The following CDH23 variants were observed in gnomAD, a reference collection of about 807,000 sequenced individuals.
CDH23 encodes cadherin related 23, also known as cadherin-23.
CDH23 carries 189 observed loss-of-function variants against 317.1 expected under a neutral mutation model. That is an observed-to-expected ratio of 0.60 (90% CI 0.53 to 0.67). The LOEUF (loss-of-function observed/expected upper bound fraction) is 0.67, where lower values mean the gene tolerates loss of function less well. Among genes scored for constraint, CDH23 ranks in the 30% least tolerant of loss-of-function variants. CDH23 has a pLI of 0.00. For missense variants in CDH23, 4,401 were observed against 4,592.4 expected, an observed-to-expected ratio of 0.96 and a Z score of 1.20; for synonymous variants, 1,839 against 1,876.8, an observed-to-expected ratio of 0.98 and a Z score of 0.52.
At chr10:71,661,171 C>T (rs903453005) in intron 14 of CDH23, among the ~76,000 whole-genome samples, 1 of 152,152 alleles carries the variant, frequency 6.6e-6, no homozygotes, top group African/African-American at 2.4e-5. Flanking sequence ...TGAACTGCTC[C>T]CCGAGAGCCT....
At chr10:71,461,902 T>C (rs1417113466) in intron 3 of CDH23, among the ~76,000 whole-genome samples, 1 of 152,230 alleles carries the variant, frequency 6.6e-6, no homozygotes, top group East Asian at 1.9e-4. Context: ...TCTTCAGTAA[T>C]GTTGCTGTGG....
chr10:71,495,387 G>A (rs964373616), intron 3 of CDH23, among the ~76,000 whole-genome samples: 6 of 152,116 alleles, frequency 3.9e-5, no homozygotes, highest in African/African-American at 1.4e-4. Context: ...TTTTATGATT[G>A]CGCCTTTCTT....
Position 71,802,983 on chromosome 10 carries a change from C to T in CDH23, c.7568C>T (p.Pro2523Leu), listed in dbSNP as rs369761606. 6.1e-5 allele frequency: 98 copies of T among 1,613,992 alleles called. No homozygotes were observed. Among genetic ancestry groups the T allele is most frequent in the South Asian group, 5.1e-4 (46 of 91,086 alleles). ...QFSTSVYENE[P>L]AGTSVITMMA... ...AGCACAAGCGTGTATGAGAATGAGCCGGCGGGCACCTCGGTCATCACCATG... is the reference window on the plus strand; with the variant it reads ...AGCACAAGCGTGTATGAGAATGAGCTGGCGGGCACCTCGGTCATCACCATG... The change falls in exon 54 of 70, where the codon CCG (proline) becomes CTG (leucine). Residue 2523 changes from proline to leucine, a missense_variant. Physicochemically the swap from Pro to Leu is moderately conservative, Grantham distance 98. Around this residue, in one of 3 missense-constraint regions of CDH23, gnomAD observed 189 missense variants for 250.9 expected, o/e 0.75. Coordinates refer to ENST00000224721, the MANE Select transcript of CDH23 (RefSeq NM_022124.6).
intron 69 of CDH23, 131 bp from the exon 70 acceptor site, chr10:71,814,821 A>C: frequency 9.2e-7 from 1 of 1,084,748 alleles, no homozygotes; most frequent in Non-Finnish European, 1.3e-6. Flanking sequence ...CAGTTTGAGA[A>C]ACAGAGTCTG....
Position 71,595,703 on chromosome 10 carries a change from C to T in CDH23, c.832+17711C>T, listed in dbSNP as rs1041490983. Among the ~76,000 whole-genome samples, 11 of 152,210 alleles carry T rather than the reference C, an allele frequency of 7.2e-5. 1 individual carries two copies. The highest frequency in any genetic ancestry group is 3.3e-4 in the Admixed American group (5 of 15,280). ...CCTGCAGGGGCCTTCCCCTGTCATCCGCCGAGACAACGCTCTGCGGGAGTC... is the reference window on the plus strand; with the variant it reads ...CCTGCAGGGGCCTTCCCCTGTCATCTGCCGAGACAACGCTCTGCGGGAGTC... On this transcript the variant is annotated intron_variant, in intron 9 of 69. Coordinates refer to ENST00000224721, the MANE Select transcript of CDH23 (RefSeq NM_022124.6).
rs954259410 is a variant in CDH23, at chr10:71,503,144, C to T, written c.146-6938C>T. On this transcript the variant is annotated intron_variant, in intron 3 of 69. Coordinates refer to ENST00000224721, the MANE Select transcript of CDH23 (RefSeq NM_022124.6). ...GGACTGCTGCTGAGGGCCGAGGCCA[C>T]GGTGGAGGATGTGCCACCAGCTTTG... 9.8e-5 allele frequency among the ~76,000 whole-genome samples: 15 copies of T among 152,368 alleles called. No homozygotes were observed. The East Asian group carries it at 1.5e-3, about 16-fold the overall frequency.
At chr10:71,806,473 C>A (rs1311001447) in intron 57 of CDH23, among the ~76,000 whole-genome samples, 192 bp downstream of exon 57, 1 of 150,712 alleles carries the variant, frequency 6.6e-6, no homozygotes, top group African/African-American at 2.4e-5. Context: ...ATATTGAGCG[C>A]TGAAAAAAAA....
At position 71,624,161 on chromosome 10, in the gene CDH23, G is replaced by T. The variant is rs566514773; in HGVS notation, c.1134+6768G>T. Among the ~76,000 whole-genome samples the T allele has an allele frequency of 7.9e-5, 12 of 152,256 alleles. No homozygotes were observed. The South Asian group carries it at 2.5e-3, about 32-fold the overall frequency. On this transcript the variant is annotated intron_variant, in intron 11 of 69. Coordinates refer to ENST00000224721, the MANE Select transcript of CDH23 (RefSeq NM_022124.6). ...GCAGCCAGCTCATCCTCCTTTCCCT[G>T]AGCCGGCTCCACGGACTCGGTTCCG... is the stretch of plus-strand genomic sequence containing the variant.
intron 47 of CDH23, among the ~76,000 whole-genome samples, 183 bp from the exon 48 acceptor site, chr10:71,792,998 GA>G (rs1471157661): frequency 6.6e-6 from 1 of 151,288 alleles, no homozygotes; most frequent in Admixed American, 6.6e-5. Context: ...TTTAATCAAA[GA>G]ATATAAAATA....
chr10:71,479,543 C>T (rs1453109361), intron 3 of CDH23, among the ~76,000 whole-genome samples: 1 of 152,144 alleles, frequency 6.6e-6, no homozygotes, highest in African/African-American at 2.4e-5. Flanking sequence ...GCTTCCTGCT[C>T]CTGCTAATGC....
chr10:71,738,301 A>G (rs1470513268), intron 34 of CDH23, among the ~76,000 whole-genome samples, 197 bp from the exon 35 acceptor site: 1 of 151,932 alleles, frequency 6.6e-6, no homozygotes, highest in Admixed American at 6.5e-5. Context: ...GCCACCCCAC[A>G]CCAATCAGAC....
chr10:71,489,062 G>T (rs937169199), intron 3 of CDH23, among the ~76,000 whole-genome samples: 1 of 151,986 alleles, frequency 6.6e-6, no homozygotes, highest in African/African-American at 2.4e-5. Context: ...GACCTATCTG[G>T]GTTTGAATTT....
intron 9 of CDH23, among the ~76,000 whole-genome samples, chr10:71,610,797 C>T (rs914579687): frequency 6.7e-6 from 1 of 150,190 alleles, no homozygotes; most frequent in South Asian, 2.1e-4. Context: ...ATTCCTGGAG[C>T]TCCTAGAGGA....
chr10:71,583,545 G>C (rs954550994), intron 9 of CDH23, among the ~76,000 whole-genome samples: 2 of 152,200 alleles, frequency 1.3e-5, no homozygotes, highest in African/African-American at 4.8e-5. Context: ...TTAGGAGACA[G>C]AGGCCAAGGG....
At chr10:71,517,560 G>GT (rs537707731) in intron 6 of CDH23, among the ~76,000 whole-genome samples, 4 of 152,212 alleles carry the variant, frequency 2.6e-5, no homozygotes, top group South Asian at 2.1e-4. Context: ...CGAGAAGCTG[G>GT]GGGGGAGATG....
At chr10:71,670,357 A>T (rs1589315876) in intron 14 of CDH23, among the ~76,000 whole-genome samples, 1 of 152,208 alleles carries the variant, frequency 6.6e-6, no homozygotes, top group East Asian at 1.9e-4. Flanking sequence ...TGAGCCCTGT[A>T]TGGGGGTACT....
At chr10:71,475,561 G>A (rs992597543) in intron 3 of CDH23, among the ~76,000 whole-genome samples, 4 of 152,194 alleles carry the variant, frequency 2.6e-5, no homozygotes, top group South Asian at 2.1e-4. Context: ...ATAAATCTTC[G>A]GTATTAATGC....
intron 48 of CDH23, among the ~76,000 whole-genome samples, chr10:71,794,209 C>T (rs575811743): frequency 8.2e-4 from 125 of 152,302 alleles, no homozygotes; most frequent in Middle Eastern, 3.4e-3. Context: ...ACCATGTTGG[C>T]CAGGCTGGTC....
chr10:71,764,315 C>T (rs1307575438), intron 38 of CDH23, among the ~76,000 whole-genome samples: 1 of 152,036 alleles, frequency 6.6e-6, no homozygotes, highest in Non-Finnish European at 1.5e-5. Flanking sequence ...GAAACTAAGG[C>T]ACAGAGAACT....
Sources: gnomAD v4.1 joint callset for allele counts (sites outside exome capture counted in the v4.1 genomes callset) on GRCh38, gnomAD v4.1.1 for gene constraint, gnomAD v4.1.1 regional missense constraint, MANE v1.5 for transcripts, NCBI Gene and HGNC (gene_info 2026-07-23, HGNC 2026-07-21) for gene names.